The following CTNNA3 variants were observed in gnomAD, a reference collection of about 807,000 sequenced individuals.
CTNNA3 encodes the protein catenin alpha 3, also known as catenin alpha-3.
A neutral mutation model predicts 95.7 loss-of-function variants in CTNNA3; 76 were observed. That is an observed-to-expected ratio of 0.79 (90% CI 0.66 to 0.96). The LOEUF (loss-of-function observed/expected upper bound fraction) is 0.96, where lower values mean the gene tolerates loss of function less well. Among genes scored for constraint, CTNNA3 ranks in the 40% least tolerant of loss-of-function variants. CTNNA3 has a pLI of 0.00. For missense variants in CTNNA3, 1,191 were observed against 1,089.8 expected (o/e 1.09, Z -1.31); for synonymous variants, 431 against 374.4 (o/e 1.15, Z -1.74).
At chr10:66,720,186 TA>T (rs907653205) in intron 9 of CTNNA3, among the ~76,000 whole-genome samples, 6 of 148,664 alleles carry the variant, frequency 4.0e-5, no homozygotes, top group East Asian at 2.2e-4. Context: ...CACCTTCAGT[TA>T]AAAAAAAATG....
intron 13 of CTNNA3, among the ~76,000 whole-genome samples, chr10:66,278,477 A>G (rs991252811): frequency 8.5e-5 from 13 of 152,050 alleles, no homozygotes; most frequent in African/African-American, 3.1e-4. Context: ...AGAGATGACT[A>G]TGGGAGAAAA....
intron 5 of CTNNA3, among the ~76,000 whole-genome samples, chr10:67,394,106 T>C (rs1339706006): frequency 1.3e-5 from 2 of 152,204 alleles, no homozygotes; most frequent in African/African-American, 4.8e-5. Flanking sequence ...AACTTAATTA[T>C]GAGTATTTCT....
intron 7 of CTNNA3, among the ~76,000 whole-genome samples, chr10:66,845,713 A>AAAAAACAAAAC (rs1554862156): frequency 8.1e-5 from 10 of 123,398 alleles, no homozygotes; most frequent in Non-Finnish European, 1.4e-4. Flanking sequence ...CAAAAAAAAA[A>AAAAAACAAAAC]AAAAAAAAAA....
chr10:66,416,696 C>T (rs1469029883), intron 11 of CTNNA3, among the ~76,000 whole-genome samples: 1 of 151,844 alleles, frequency 6.6e-6, no homozygotes, highest in East Asian at 1.9e-4. Context: ...AGCTAAGATA[C>T]TATATCTAAC....
chr10:67,674,497 A>T (rs191437642), intron 1 of CTNNA3, among the ~76,000 whole-genome samples: 37 of 152,236 alleles, frequency 2.4e-4, no homozygotes, highest in Admixed American at 1.0e-3. Flanking sequence ...TTTCTGGGTC[A>T]GAATGTGTGT....
At chr10:66,560,829 A>G (rs998634705) in intron 10 of CTNNA3, among the ~76,000 whole-genome samples, 9 of 151,764 alleles carry the variant, frequency 5.9e-5, no homozygotes, top group Admixed American at 5.9e-4. Flanking sequence ...GAAATGAGAG[A>G]GCTTGCCTGC....
chr10:66,992,192 C>T (rs1851079584), intron 7 of CTNNA3, among the ~76,000 whole-genome samples: 1 of 152,148 alleles, frequency 6.6e-6, no homozygotes, highest in African/African-American at 2.4e-5. Flanking sequence ...TATTGTCATG[C>T]TTTAATTTTT....
intron 2 of CTNNA3, among the ~76,000 whole-genome samples, chr10:67,644,729 T>C (rs911399700): frequency 2.0e-5 from 3 of 151,990 alleles, no homozygotes; most frequent in East Asian, 1.9e-4. Flanking sequence ...CTTTATAAGA[T>C]AGTTATTGCA....
At chr10:66,752,490 T>C (rs1404073552) in intron 9 of CTNNA3, among the ~76,000 whole-genome samples, 3 of 152,158 alleles carry the variant, frequency 2.0e-5, no homozygotes, top group Non-Finnish European at 4.4e-5. Context: ...CAGAGAAACA[T>C]AGAAGAAAGT....
intron 10 of CTNNA3, among the ~76,000 whole-genome samples, chr10:66,581,434 A>G (rs1195618798): frequency 6.6e-6 from 1 of 150,756 alleles, no homozygotes; most frequent in Non-Finnish European, 1.5e-5. Flanking sequence ...TGACTTTTTA[A>G]TAATGGTTAT....
chr10:67,260,119 C>A (rs765523362), intron 5 of CTNNA3, among the ~76,000 whole-genome samples: 1 of 152,116 alleles, frequency 6.6e-6, no homozygotes, highest in African/African-American at 2.4e-5. Context: ...AACAAATGAA[C>A]CCAATAACGG....
At chr10:67,228,459 A>G (rs897256589) in intron 5 of CTNNA3, among the ~76,000 whole-genome samples, 3 of 152,078 alleles carry the variant, frequency 2.0e-5, no homozygotes, top group African/African-American at 4.8e-5. Context: ...CCAAAAATAC[A>G]AAAATTAGCA....
chr10:67,538,094 A>G (rs1296522898), intron 4 of CTNNA3, among the ~76,000 whole-genome samples: 4 of 150,004 alleles, frequency 2.7e-5, no homozygotes, highest in African/African-American at 1.0e-4. Flanking sequence ...ATCACCTACA[A>G]ATCTTCTAGT....
intron 9 of CTNNA3, among the ~76,000 whole-genome samples, chr10:66,670,114 T>C (rs1018323955): frequency 3.3e-5 from 5 of 152,156 alleles, no homozygotes; most frequent in Admixed American, 6.5e-5. Context: ...CTGACAGTTA[T>C]GGCAACATAT....
intron 7 of CTNNA3, among the ~76,000 whole-genome samples, chr10:67,043,099 C>G (rs1854505683): frequency 6.7e-6 from 1 of 149,392 alleles, no homozygotes; most frequent in Admixed American, 6.7e-5. Flanking sequence ...AGGGCTAGCT[C>G]TTGGGAGATT....
In CTNNA3 at chr10:66,713,097, T is replaced by G. The variant is rs1848346457; in HGVS notation, c.1281+53167A>C. ...AACCCTCAAGGTAACAGAGCTTTAGTTCCACACAGGAGGCTCGAGAACCAC... is the reference window on the plus strand; with the variant it reads ...AACCCTCAAGGTAACAGAGCTTTAGGTCCACACAGGAGGCTCGAGAACCAC... On this transcript the variant is annotated intron_variant, in intron 9 of 17. Coordinates refer to ENST00000433211, the MANE Select transcript of CTNNA3 (RefSeq NM_013266.4). Among the ~76,000 whole-genome samples the G allele has an allele frequency of 2.0e-5, 3 of 152,096 alleles. No homozygotes were observed. In the South Asian group the frequency reaches 6.2e-4, roughly 32 times the overall value.
chr10:66,889,547 T>TA (rs1449844446), intron 7 of CTNNA3, among the ~76,000 whole-genome samples: 1 of 151,824 alleles, frequency 6.6e-6, no homozygotes, highest in Non-Finnish European at 1.5e-5. Flanking sequence ...TAAAGTCTAT[T>TA]AAAAAAAGAA....
intron 15 of CTNNA3, among the ~76,000 whole-genome samples, chr10:66,010,653 C>T (rs141288227): frequency 1.3e-5 from 2 of 152,292 alleles, no homozygotes; most frequent in East Asian, 3.9e-4. Context: ...ACTCAGATGG[C>T]TCCCAAGGAT....
intron 5 of CTNNA3, among the ~76,000 whole-genome samples, chr10:67,336,730 A>C (rs1201341513): frequency 2.6e-5 from 4 of 152,176 alleles, no homozygotes; most frequent in Middle Eastern, 3.2e-3. Flanking sequence ...AACTTAATTG[A>C]AGCCAATGTT....
Sources: gnomAD v4.1 joint callset for allele counts (sites outside exome capture counted in the v4.1 genomes callset) on GRCh38, gnomAD v4.1.1 for gene constraint, MANE v1.5 for transcripts, NCBI Gene and HGNC (gene_info 2026-07-23, HGNC 2026-07-21) for gene names.